The following MEMO1 variants were observed in gnomAD, a reference collection of about 807,000 sequenced individuals.
The protein encoded by MEMO1 is mediator of cell motility 1.
Under a neutral mutation model 45.2 loss-of-function variants are expected in MEMO1, and 6 were observed. The observed-to-expected ratio is 0.13, with a 90% confidence interval of 0.07 to 0.26. MEMO1 has a LOEUF of 0.26. Ranked by LOEUF, MEMO1 falls within the 10% of genes least tolerant of loss-of-function variation. The pLI is 1.00. For synonymous variants in MEMO1, 78 were observed against 124.3 expected (o/e 0.63, Z 2.48); for missense variants, 184 against 370.5 (o/e 0.50, Z 4.13).
chr2:31,963,426 G>C, intron 2 of MEMO1: 1 of 760,218 alleles, frequency 1.3e-6, no homozygotes, highest in Non-Finnish European at 1.8e-6. Context: ...ATCTATGACA[G>C]GTGAAAACAA....
intron 2 of MEMO1, among the ~76,000 whole-genome samples, chr2:31,947,930 T>G (rs954264623): frequency 2.0e-5 from 3 of 152,220 alleles, no homozygotes; most frequent in Non-Finnish European, 4.4e-5. Context: ...TATCGCTGTT[T>G]AGCCTGCTCC....
chr2:31,966,725 T>C (rs1386263432), intron 2 of MEMO1, among the ~76,000 whole-genome samples: 2 of 49,454 alleles, frequency 4.0e-5, no homozygotes, highest in African/African-American at 1.1e-4. Context: ...AGAGCAAGAC[T>C]CTGTCTCAAA....
At chr2:31,991,712 T>C (rs1044043151) in intron 2 of MEMO1, among the ~76,000 whole-genome samples, 1 of 152,132 alleles carries the variant, frequency 6.6e-6, no homozygotes, top group Non-Finnish European at 1.5e-5. Context: ...GTTGCTCTGA[T>C]CTCAGAAAAA....
chr2:31,938,353 A>G (rs771745578), intron 3 of MEMO1, among the ~76,000 whole-genome samples: 1 of 152,072 alleles, frequency 6.6e-6, no homozygotes, highest in Non-Finnish European at 1.5e-5. Context: ...GGTAAAAAAA[A>G]AAAACTAAGA....
chr2:31,932,044 T>C, intron 4 of MEMO1, 23 bp downstream of exon 4: 1 of 1,603,184 alleles, frequency 6.2e-7, no homozygotes, highest in Non-Finnish European at 8.5e-7. Context: ...TTCTCCGACT[T>C]AAAACAAAAC....
rs558922133 is a variant in MEMO1 at position 31,868,991 on chromosome 2, G to A, written c.763-499C>T. Among the ~76,000 whole-genome samples the A allele has an allele frequency of 5.3e-5, 8 of 152,180 alleles. No homozygotes were observed. The South Asian group carries it at 1.0e-3, about 20-fold the overall frequency. On this transcript the variant is annotated intron_variant, in intron 9 of 9. Transcript: ENST00000404530. ...TTATTTGATTCAATTCAGATTTTAG[G>A]AAATTAGTACAGTTTATTCTAGCTT...
rs1380319735 is a variant in MEMO1, at chr2:31,948,090, A to C, written c.62-4707T>G. Among the ~76,000 whole-genome samples, 3 of 152,240 alleles carry C rather than the reference A, an allele frequency of 2.0e-5. No individual in the cohort carries two copies. In the East Asian group the frequency reaches 5.8e-4, roughly 29 times the overall value. ...TCTAACATGCTTCTCAGGTGATAGC[A>C]ATGTTGCTGGCCTATAGGCTATACT... On this transcript the variant is annotated intron_variant, in intron 2 of 9. Transcript: ENST00000404530.
At chr2:31,938,116 T>G (rs936561664) in intron 3 of MEMO1, among the ~76,000 whole-genome samples, 1 of 152,200 alleles carries the variant, frequency 6.6e-6, no homozygotes, top group African/African-American at 2.4e-5. Flanking sequence ...CAAACGTGCC[T>G]GCCTTATGTC....
At chr2:31,891,211 T>C (rs568486144) in intron 7 of MEMO1, among the ~76,000 whole-genome samples, 11 of 152,320 alleles carry the variant, frequency 7.2e-5, no homozygotes, top group Non-Finnish European at 1.5e-4. Flanking sequence ...TGAACAGATA[T>C]TGGCATCTTA....
intron 2 of MEMO1, among the ~76,000 whole-genome samples, chr2:31,982,178 T>A (rs988134219): frequency 1.3e-5 from 2 of 151,566 alleles, no homozygotes; most frequent in Admixed American, 1.3e-4. Context: ...GTGCCTGTAA[T>A]CCCAGCTACT....
At chr2:31,872,706 T>C (rs921812606) in intron 8 of MEMO1, among the ~76,000 whole-genome samples, 6 of 152,138 alleles carry the variant, frequency 3.9e-5, no homozygotes, top group African/African-American at 1.4e-4. Flanking sequence ...GTTAAGAAAT[T>C]AAATGTACAA....
chr2:31,892,260 T>G (rs1677086561), intron 6 of MEMO1, 126 bp from the exon 7 acceptor site: 1 of 786,238 alleles, frequency 1.3e-6, no homozygotes, highest in South Asian at 2.3e-5. Flanking sequence ...TAATTATTAT[T>G]GATGAATTCT....
chr2:31,879,354 T>C (rs1053334899), intron 8 of MEMO1, among the ~76,000 whole-genome samples: 1 of 152,144 alleles, frequency 6.6e-6, no homozygotes, highest in Non-Finnish European at 1.5e-5. Context: ...TATCTCCTCT[T>C]CCACTTAATG....
intron 3 of MEMO1, among the ~76,000 whole-genome samples, chr2:31,938,883 C>A (rs998589744): frequency 2.0e-5 from 3 of 150,396 alleles, no homozygotes; most frequent in Admixed American, 6.6e-5. Context: ...ACCTCCCGGG[C>A]TCAAGTGATC....
chr2:31,969,701 C>A (rs1465381802), intron 2 of MEMO1, among the ~76,000 whole-genome samples: 1 of 149,304 alleles, frequency 6.7e-6, no homozygotes, highest in Non-Finnish European at 1.5e-5. Context: ...CCTCAAACTC[C>A]TGGAAACAAG....
At chr2:32,006,749 G>A (rs1398467801) in intron 2 of MEMO1, among the ~76,000 whole-genome samples, 2 of 151,952 alleles carry the variant, frequency 1.3e-5, no homozygotes, top group African/African-American at 2.4e-5. Flanking sequence ...GGCAGATCAC[G>A]AGGTCAGGAG....
chr2:31,880,846 C>T (rs1211943533), intron 8 of MEMO1, among the ~76,000 whole-genome samples: 1 of 150,426 alleles, frequency 6.6e-6, no homozygotes, highest in Non-Finnish European at 1.5e-5. Flanking sequence ...TGGCGAAACC[C>T]CATCTCTAAA....
intron 6 of MEMO1, among the ~76,000 whole-genome samples, chr2:31,904,752 A>G (rs775557453): frequency 1.4e-4 from 22 of 152,246 alleles, no homozygotes; most frequent in Non-Finnish European, 2.8e-4. Context: ...GAGGGTGGTC[A>G]TGAAAGTTTC....
intron 2 of MEMO1, among the ~76,000 whole-genome samples, chr2:31,973,157 A>C (rs554446383): frequency 7.9e-5 from 12 of 152,194 alleles, no homozygotes; most frequent in African/African-American, 2.4e-4. Flanking sequence ...TATATATCTA[A>C]AAGAATTAAA....
Sources: gnomAD v4.1 joint callset for allele counts (sites outside exome capture counted in the v4.1 genomes callset) on GRCh38, gnomAD v4.1.1 for gene constraint, MANE v1.5 for transcripts, NCBI Gene and HGNC (gene_info 2026-07-23, HGNC 2026-07-21) for gene names.